Variants in TMCC3 observed in about 807,000 individuals in gnomAD.
TMCC3 encodes transmembrane and coiled-coil domain protein 3.
A neutral mutation model predicts 40.2 loss-of-function variants in TMCC3; 28 were observed. The observed-to-expected ratio is 0.70, with a 90% confidence interval of 0.52 to 0.95. TMCC3 has a LOEUF of 0.95. Ranked by LOEUF, TMCC3 falls within the 40% of genes least tolerant of loss-of-function variation. TMCC3 has a pLI of 0.00. For synonymous variants in TMCC3, 255 were observed against 248.5 expected (o/e 1.03, Z -0.25); for missense variants, 554 against 615.2 (o/e 0.90, Z 1.05).
At chr12:94,601,731 C>T (rs754427389) in intron 1 of TMCC3, among the ~76,000 whole-genome samples, 1 of 145,476 alleles carries the variant, frequency 6.9e-6, no homozygotes, top group Non-Finnish European at 1.5e-5. Context: ...ATTGCTTGAA[C>T]CCGGGAGGCA....
chr12:94,582,556 G>A lies in TMCC3; in HGVS notation c.79-18C>T. ...CGTTCTACCTGAAAGAGACAGGAAA[G>A]AAGCACATTAAAATTTGAAGTCAAA... On this transcript the variant is annotated intron_variant, in intron 1 of 3. Coordinates refer to ENST00000261226, the MANE Select transcript of TMCC3 (RefSeq NM_020698.4). 1 of 1,559,602 alleles carries A rather than the reference G, an allele frequency of 6.4e-7. No individual in the cohort carries two copies. The highest frequency in any genetic ancestry group is 8.7e-7 in the Non-Finnish European group (1 of 1,154,850).
At position 94,578,471 on chromosome 12, in the gene TMCC3, CT is replaced by C; in HGVS notation, c.1053del (p.Ala352ProfsTer3). The C allele has an allele frequency of 6.2e-7, 1 of 1,614,170 alleles. No individual in the cohort carries two copies. The highest frequency in any genetic ancestry group is 1.1e-5 in the South Asian group (1 of 91,082). ...HDLTDLHQHE[T>X]ANLKQELASI... ...CTGGCCAGCTCCTGCTTCAGGTTGG[CT>C]GTCTCATGCTGATGCAGGTCCGTCA... On this transcript the variant is annotated frameshift_variant, in exon 3 of 4. Coordinates refer to ENST00000261226, the MANE Select transcript of TMCC3 (RefSeq NM_020698.4). LOFTEE classifies it high-confidence loss of function.
chr12:94,644,693 T>C (rs182508866), intron 1 of TMCC3, among the ~76,000 whole-genome samples: 15 of 152,324 alleles, frequency 9.8e-5, no homozygotes, highest in Middle Eastern at 3.4e-3. Flanking sequence ...GTGAAAACGA[T>C]ATCTGTGTAC....
At chr12:94,584,166 G>A (rs1195013875) in intron 1 of TMCC3, among the ~76,000 whole-genome samples, 1 of 152,130 alleles carries the variant, frequency 6.6e-6, no homozygotes, top group Non-Finnish European at 1.5e-5. Flanking sequence ...GGTGGGAGGT[G>A]ATCGAATCAT....
chr12:94,628,387 C>T (rs2068914851), intron 1 of TMCC3, among the ~76,000 whole-genome samples: 1 of 152,210 alleles, frequency 6.6e-6, no homozygotes, highest in Non-Finnish European at 1.5e-5. Flanking sequence ...GAAGCTCCAC[C>T]TATCCACAAA....
At chr12:94,624,618 G>A (rs1269274607) in intron 1 of TMCC3, among the ~76,000 whole-genome samples, 1 of 152,088 alleles carries the variant, frequency 6.6e-6, no homozygotes, top group Non-Finnish European at 1.5e-5. Context: ...GGAGGCTGAG[G>A]CACGAGAATC....
chr12:94,579,036 C>T (rs938104252), intron 2 of TMCC3, among the ~76,000 whole-genome samples: 3 of 152,172 alleles, frequency 2.0e-5, no homozygotes, highest in African/African-American at 4.8e-5. Context: ...CATGCAAACA[C>T]GCACTGATTA....
chr12:94,610,429 CA>C (rs550151055), intron 1 of TMCC3, among the ~76,000 whole-genome samples: 26,338 of 136,876 alleles, frequency 0.19, 2,702 homozygotes, highest in Non-Finnish European at 0.26. Context: ...TTAAGGCAGG[CA>C]AAAAAAAAAA....
intron 1 of TMCC3, among the ~76,000 whole-genome samples, chr12:94,590,444 G>A (rs1402360831): frequency 1.3e-5 from 2 of 151,982 alleles, no homozygotes; most frequent in African/African-American, 2.4e-5. Context: ...CAATGCCTAC[G>A]CATTTACAAT....
chr12:94,598,557 T>C (rs919278077), intron 1 of TMCC3: 1 of 984,328 alleles, frequency 1.0e-6, no homozygotes, highest in African/African-American at 1.8e-5. Context: ...CAAGATACCT[T>C]GCATAATAAA....
chr12:94,584,984 C>T (rs572385150), intron 1 of TMCC3, among the ~76,000 whole-genome samples: 2 of 151,850 alleles, frequency 1.3e-5, no homozygotes, highest in South Asian at 4.2e-4. Context: ...GGAACAGGTT[C>T]AAATTATAGC....
At chr12:94,597,157 ATG>A (rs34772203) in intron 1 of TMCC3, among the ~76,000 whole-genome samples, 7,359 of 23,022 alleles carry the variant, frequency 0.32, 518 homozygotes, top group Middle Eastern at 0.43. Flanking sequence ...ATATATATAT[ATG>A]TATATAAATT....
intron 1 of TMCC3, among the ~76,000 whole-genome samples, chr12:94,640,303 C>A (rs780948291): frequency 6.6e-6 from 1 of 152,204 alleles, no homozygotes; most frequent in Non-Finnish European, 1.5e-5. Flanking sequence ...CCCACCTCAG[C>A]CTCCTGAGTA....
chr12:94,592,485 C>CA (rs11403354), intron 1 of TMCC3, among the ~76,000 whole-genome samples: 91,687 of 144,924 alleles, frequency 0.63, 28,935 homozygotes, highest in Admixed American at 0.66. Flanking sequence ...ACTAAAAATG[C>CA]AAAAAAAAAT....
At chr12:94,650,112 G>A (rs2069046756) in intron 1 of TMCC3, among the ~76,000 whole-genome samples, 1 of 152,130 alleles carries the variant, frequency 6.6e-6, no homozygotes, top group African/African-American at 2.4e-5. Flanking sequence ...CGCATAGCGC[G>A]CGGGGACCTG....
intron 1 of TMCC3, among the ~76,000 whole-genome samples, chr12:94,623,238 A>T (rs1244260899): frequency 6.6e-6 from 1 of 152,194 alleles, no homozygotes; most frequent in African/African-American, 2.4e-5. Context: ...AAAAAAAAAA[A>T]ATCTGAGACT....
chr12:94,578,797 A>G (rs2036386), intron 2 of TMCC3, among the ~76,000 whole-genome samples: 83,894 of 151,994 alleles, frequency 0.55, 23,417 homozygotes, highest in African/African-American at 0.6. Context: ...AGCTAGCTGC[A>G]GTGACCTCAA....
At chr12:94,631,979 G>C (rs1168129782) in intron 1 of TMCC3, among the ~76,000 whole-genome samples, 1 of 152,180 alleles carries the variant, frequency 6.6e-6, no homozygotes, top group Non-Finnish European at 1.5e-5. Context: ...GAATAAAAAG[G>C]AATGAACTCC....
chr12:94,634,962 C>T (rs11107630), intron 1 of TMCC3, among the ~76,000 whole-genome samples: 78 of 152,312 alleles, frequency 5.1e-4, no homozygotes, highest in African/African-American at 1.9e-3. Context: ...GCTCTTGAAT[C>T]AGGTTATAAA....
Sources: allele counts gnomAD v4.1 joint callset (sites outside exome capture counted in the v4.1 genomes callset), GRCh38; gene constraint gnomAD v4.1.1; transcripts MANE v1.5; gene names NCBI Gene and HGNC (gene_info 2026-07-23, HGNC 2026-07-21).